The following ELAVL4 variants were observed in gnomAD, a reference collection of about 807,000 sequenced individuals.
ELAVL4 encodes the protein ELAV-like protein 4.
In ELAVL4, 1 loss-of-function variant was observed where a neutral mutation model predicts 35.6. The observed-to-expected ratio is 0.03, with a 90% CI of 0.01 to 0.13. The LOEUF (loss-of-function observed/expected upper bound fraction) is 0.13, where lower values mean the gene tolerates loss of function less well. Among genes scored for constraint, ELAVL4 ranks in the 10% least tolerant of loss-of-function variants. ELAVL4 has a pLI of 1.00. For missense variants in ELAVL4, 267 were observed against 464.9 expected, an observed-to-expected ratio of 0.57 and a Z score of 3.91; for synonymous variants, 156 against 171.0, an observed-to-expected ratio of 0.91 and a Z score of 0.69.
chr1:50,081,877 T>C (rs944519476), intron 1 of ELAVL4, among the ~76,000 whole-genome samples: 3 of 151,992 alleles, frequency 2.0e-5, no homozygotes, highest in Admixed American at 2.0e-4. Context: ...CCCCTCCCTG[T>C]GTCCATGTGT....
At chr1:50,182,271 A>G (rs955686057) in intron 3 of ELAVL4, among the ~76,000 whole-genome samples, 5 of 152,264 alleles carry the variant, frequency 3.3e-5, no homozygotes, top group African/African-American at 9.6e-5. Context: ...AAAGTTTTGG[A>G]TTGATGTTCA....
Position 50,062,065 on chromosome 1 carries a change from G to GT in ELAVL4, c.18+13888dup, listed in dbSNP as rs543694533. 4.0e-3 allele frequency among the ~76,000 whole-genome samples: 602 copies of GT among 152,276 alleles called. 4 individuals carry two copies. The highest frequency in any genetic ancestry group is 0.014 in the African/African-American group (570 of 41,564). ...AGTGAGTTTCAGTGTTCTTCATCAT[G>GT]TTTTTAACCATTATGGTATGTTGCC... On this transcript the variant is annotated intron_variant, in intron 1 of 6. Transcript: ENST00000448907.
intron 2 of ELAVL4, among the ~76,000 whole-genome samples, chr1:50,151,057 G>C (rs1674697663): frequency 6.6e-6 from 1 of 152,194 alleles, no homozygotes; most frequent in South Asian, 2.1e-4. Flanking sequence ...TAATCCTCAT[G>C]ATGGCCATTT....
At chr1:50,127,541 C>T (rs1337161589) in intron 1 of ELAVL4, among the ~76,000 whole-genome samples, 3 of 152,110 alleles carry the variant, frequency 2.0e-5, no homozygotes, top group Non-Finnish European at 4.4e-5. Flanking sequence ...ACTTGGCTCA[C>T]TGCATCTGGA....
intron 1 of ELAVL4, among the ~76,000 whole-genome samples, chr1:50,118,266 G>A (rs989116278): frequency 6.6e-6 from 1 of 151,936 alleles, no homozygotes; most frequent in Non-Finnish European, 1.5e-5. Flanking sequence ...TTTCCCAATA[G>A]GCTGAACTTT....
chr1:50,055,490 G>A (rs1196427596), intron 1 of ELAVL4, among the ~76,000 whole-genome samples: 3 of 151,708 alleles, frequency 2.0e-5, no homozygotes, highest in South Asian at 4.2e-4. Flanking sequence ...TAGTAGAGAC[G>A]GGGTTTCACC....
At chr1:50,144,705 A>T (rs751594518) in intron 1 of ELAVL4, 1 of 676,582 alleles carries the variant, frequency 1.5e-6, no homozygotes, top group Non-Finnish European at 2.7e-6. Flanking sequence ...TTTCATTAAC[A>T]AAATAATGGG....
chr1:50,104,909 G>C (rs1010969868), upstream of ELAVL4, among the ~76,000 whole-genome samples: 1 of 152,186 alleles, frequency 6.6e-6, no homozygotes, highest in Non-Finnish European at 1.5e-5. Context: ...CAAAGGAGAT[G>C]CCAAGTTAGC....
rs547130549 is a variant in ELAVL4, at chr1:50,111,427, A to G, written c.9+2229A>G. Among the ~76,000 whole-genome samples, 7 of 152,036 alleles carry G rather than the reference A, an allele frequency of 4.6e-5. No homozygotes were observed. The South Asian group carries it at 8.3e-4, about 18-fold the overall frequency. ...TCTTAGAAATTTCCAGCAAATATTC[A>G]TAGGAAAAATATAGGTAGAATAGAT... On this transcript the variant is annotated intron_variant, in intron 1 of 6. Coordinates refer to ENST00000371824, the MANE Select transcript of ELAVL4 (RefSeq NM_001144774.3).
chr1:50,096,441 A>G (rs1352970507), intron 1 of ELAVL4, among the ~76,000 whole-genome samples: 2 of 150,196 alleles, frequency 1.3e-5, no homozygotes, highest in Non-Finnish European at 3.0e-5. Context: ...GTGTTGTGAG[A>G]GAATAGATGG....
intron 1 of ELAVL4, among the ~76,000 whole-genome samples, chr1:50,133,830 C>T (rs1420017450): frequency 1.3e-5 from 2 of 152,064 alleles, no homozygotes; most frequent in Admixed American, 6.6e-5. Flanking sequence ...TAATTTATCA[C>T]GGCCAGTTAT....
chr1:50,163,056 G>A (rs1677076885), intron 2 of ELAVL4, among the ~76,000 whole-genome samples: 1 of 152,226 alleles, frequency 6.6e-6, no homozygotes, highest in Non-Finnish European at 1.5e-5. Flanking sequence ...TCAACAACAA[G>A]TGGAAGTGAT....
chr1:50,193,983 A>G, intron 4 of ELAVL4, 65 bp downstream of exon 4: 2 of 1,574,426 alleles, frequency 1.3e-6, no homozygotes, highest in Non-Finnish European at 1.7e-6. Flanking sequence ...TACTCATAAG[A>G]GCAGAAGGCT....
rs780502540 is a variant in ELAVL4 at position 50,145,009 on chromosome 1, G to A, written c.62G>A (p.Ser21Asn). 6 of 1,613,846 alleles carry A rather than the reference G, an allele frequency of 3.7e-6. No homozygotes were observed. The highest frequency in any genetic ancestry group is 3.3e-4 in the Middle Eastern group (2 of 6,056). ...QVSNGPTSNTSNGPSSNNRNC... is the reference protein window; with the variant it reads ...QVSNGPTSNTNNGPSSNNRNC... ...TCAAATGGTCCGACATCCAATACAA[G>A]CAATGGACCCTCCAGCAACAACAGA... Residue 21 changes from serine to asparagine, a missense_variant, in exon 2 of 7, where the codon AGC (serine) becomes AAC (asparagine). Around this residue, in one of 2 missense-constraint regions of ELAVL4, gnomAD observed 51 missense variants for 55.4 expected, o/e 0.92. Coordinates refer to ENST00000371824, the MANE Select transcript of ELAVL4 (RefSeq NM_001144774.3).
intron 1 of ELAVL4, among the ~76,000 whole-genome samples, chr1:50,126,655 T>C (rs1332899690): frequency 1.3e-5 from 2 of 152,124 alleles, no homozygotes; most frequent in Non-Finnish European, 2.9e-5. Flanking sequence ...AATTAAACTT[T>C]TAAATTTCAC....
chr1:50,166,005 G>T (rs1572489442), intron 2 of ELAVL4, among the ~76,000 whole-genome samples: 1 of 151,996 alleles, frequency 6.6e-6, no homozygotes, highest in African/African-American at 2.4e-5. Context: ...AAAGATGTAG[G>T]CTGGGAGGCT....
chr1:50,153,802 C>T (rs1463564393), intron 2 of ELAVL4, among the ~76,000 whole-genome samples: 1 of 152,090 alleles, frequency 6.6e-6, no homozygotes, highest in Non-Finnish European at 1.5e-5. Context: ...TAAATGAGGC[C>T]ATAATGGTAG....
At chr1:50,064,640 C>T (rs1300732623) in intron 1 of ELAVL4, among the ~76,000 whole-genome samples, 1 of 152,104 alleles carries the variant, frequency 6.6e-6, no homozygotes, top group African/African-American at 2.4e-5. Context: ...ACCATGACAA[C>T]CCAAAACAAG....
intron 1 of ELAVL4, among the ~76,000 whole-genome samples, chr1:50,054,544 C>T (rs1663559696): frequency 6.6e-6 from 1 of 151,920 alleles, no homozygotes; most frequent in African/African-American, 2.4e-5. Context: ...CCTTAGAAGA[C>T]TCATACCATA....
Sources: gnomAD v4.1 joint callset for allele counts (sites outside exome capture counted in the v4.1 genomes callset) on GRCh38, gnomAD v4.1.1 for gene constraint, gnomAD v4.1.1 regional missense constraint, MANE v1.5 for transcripts, NCBI Gene and HGNC (gene_info 2026-07-23, HGNC 2026-07-21) for gene names.